Variants in SNX18 observed in about 807,000 individuals in gnomAD.
SNX18 encodes sorting nexin 18, also known as sorting nexin-18.
SNX18 carries 35 observed loss-of-function variants against 48.7 expected under a neutral mutation model. The ratio of observed to expected loss-of-function variants is 0.72; its 90% CI spans 0.55 to 0.95. The LOEUF (loss-of-function observed/expected upper bound fraction) is 0.95. Ranked by LOEUF, SNX18 falls within the 40% of genes least tolerant of loss-of-function variation. The pLI, the probability that SNX18 is intolerant of heterozygous loss-of-function variation, is 0.00. For missense variants in SNX18, 824 were observed against 871.0 expected (o/e 0.95, Z 0.68); for synonymous variants, 492 against 384.7 (o/e 1.28, Z -3.26).
chr5:54,625,426 T>A, the SNX18 span, among the ~76,000 whole-genome samples: 7 of 152,194 alleles, frequency 4.6e-5, no homozygotes, highest in Non-Finnish European at 8.8e-5. Context: ...AGCCCTTATG[T>A]CCTTGTTGGA....
chr5:54,630,829 CAAAAAAAA>C, the SNX18 span, among the ~76,000 whole-genome samples: 29 of 94,508 alleles, frequency 3.1e-4, no homozygotes, highest in African/African-American at 9.7e-4. Flanking sequence ...AAGACTCAGT[CAAAAAAAA>C]AAAAAAAAAA....
chr5:54,543,405 A>C lies in SNX18; in HGVS notation c.1848A>C (p.Glu616Asp), dbSNP rs1315330224. ...FFQKVTQKLE[E>D]ALHKYDSV ...AAAAAGTTACCCAGAAGTTGGAAGAAGCTCTTCACAAATATGATAGTGTTT... is the reference window on the plus strand; with the variant it reads ...AAAAAGTTACCCAGAAGTTGGAAGACGCTCTTCACAAATATGATAGTGTTT... The change falls in exon 2 of 2, where the codon GAA becomes GAC. Residue 616 changes from glutamate to aspartate, a missense_variant. This residue lies in a region of SNX18 where 443 missense variants were observed against 503.6 expected (regional missense o/e 0.88). Transcript: ENST00000381410. 1 of 1,614,070 alleles carries C rather than the reference A, an allele frequency of 6.2e-7. No homozygotes were observed. The highest frequency in any genetic ancestry group is 8.5e-7 in the Non-Finnish European group (1 of 1,180,032).
At chr5:54,609,882 A>T in the SNX18 span, among the ~76,000 whole-genome samples, 4 of 152,042 alleles carry the variant, frequency 2.6e-5, no homozygotes, top group African/African-American at 9.7e-5. Context: ...TAGATTTCAC[A>T]TGAATGGTTT....
At chr5:54,549,299 T>G (rs1004434148), downstream of SNX18, among the ~76,000 whole-genome samples, 31 of 152,180 alleles carry the variant, frequency 2.0e-4, no homozygotes, top group African/African-American at 7.5e-4. Context: ...ACCTGTACTA[T>G]GGAAAATTAA....
chr5:54,575,469 T>C, the SNX18 span, among the ~76,000 whole-genome samples: 1 of 149,892 alleles, frequency 6.7e-6, no homozygotes. Context: ...GCCTCCTGGT[T>C]CAAGCGATTC....
At chr5:54,647,941 T>C in the SNX18 span, among the ~76,000 whole-genome samples, 2 of 151,896 alleles carry the variant, frequency 1.3e-5, no homozygotes, top group African/African-American at 4.8e-5. Flanking sequence ...GTTTATTATT[T>C]AGGAACCCGA....
the SNX18 span, among the ~76,000 whole-genome samples, chr5:54,615,686 C>T: frequency 6.6e-6 from 1 of 152,186 alleles, no homozygotes; most frequent in Non-Finnish European, 1.5e-5. Context: ...TGTTTCTAGA[C>T]TCTACAAGAG....
At chr5:54,635,337 T>C in the SNX18 span, among the ~76,000 whole-genome samples, 1 of 151,950 alleles carries the variant, frequency 6.6e-6, no homozygotes, top group Non-Finnish European at 1.5e-5. Context: ...CCCTTTGCTG[T>C]GAAAAGGGAA....
the SNX18 span, among the ~76,000 whole-genome samples, chr5:54,568,264 G>A: frequency 6.6e-6 from 1 of 152,190 alleles, no homozygotes; most frequent in African/African-American, 2.4e-5. Flanking sequence ...TGTCTCTGAA[G>A]GAAAAGGATG....
At chr5:54,608,021 G>A in the SNX18 span, among the ~76,000 whole-genome samples, 2 of 152,136 alleles carry the variant, frequency 1.3e-5, no homozygotes, top group African/African-American at 4.8e-5. Flanking sequence ...TCCTTTCCCT[G>A]TGATTAAATG....
intron 1 of SNX18, among the ~76,000 whole-genome samples, chr5:54,531,730 A>G (rs1408717592): frequency 6.6e-6 from 1 of 152,168 alleles, no homozygotes; most frequent in East Asian, 1.9e-4. Context: ...CGGGAAAACC[A>G]CAGGAGTGAG....
intron 1 of SNX18, among the ~76,000 whole-genome samples, chr5:54,534,862 T>C (rs1236233897): frequency 6.6e-6 from 1 of 152,164 alleles, no homozygotes; most frequent in Non-Finnish European, 1.5e-5. Context: ...ATGGGCTACA[T>C]GACTCGAGAG....
the SNX18 span, among the ~76,000 whole-genome samples, chr5:54,552,394 G>C: frequency 6.6e-6 from 1 of 152,194 alleles, no homozygotes; most frequent in Non-Finnish European, 1.5e-5. Flanking sequence ...TTTGGATTCT[G>C]AAGCCCTTAA....
the SNX18 span, among the ~76,000 whole-genome samples, chr5:54,590,694 A>G: frequency 3.9e-5 from 6 of 152,170 alleles, no homozygotes; most frequent in Non-Finnish European, 5.9e-5. Flanking sequence ...GAAGGAAAAT[A>G]CATTTTTGAA....
chr5:54,588,986 A>G, the SNX18 span, among the ~76,000 whole-genome samples: 1 of 152,214 alleles, frequency 6.6e-6, no homozygotes, highest in African/African-American at 2.4e-5. Flanking sequence ...GACTGTTTAT[A>G]TAAGAGAAAA....
At chr5:54,528,304 G>A (rs914963410) in intron 1 of SNX18, among the ~76,000 whole-genome samples, 6 of 151,278 alleles carry the variant, frequency 4.0e-5, no homozygotes, top group Non-Finnish European at 8.8e-5. Flanking sequence ...CATGTGTAGA[G>A]CAGTAGGTAC....
At chr5:54,552,889 TTTG>T in the SNX18 span, among the ~76,000 whole-genome samples, 2 of 151,672 alleles carry the variant, frequency 1.3e-5, no homozygotes, top group Non-Finnish European at 2.9e-5. Context: ...GTGAGGAGAA[TTTG>T]TTATTTTAAT....
the SNX18 span, among the ~76,000 whole-genome samples, chr5:54,569,135 G>A: frequency 1.6e-4 from 24 of 151,678 alleles, 1 homozygote; most frequent in Admixed American, 1.3e-3. Flanking sequence ...GAGCCACCGC[G>A]CCCAACCACA....
At chr5:54,599,160 A>G in the SNX18 span, among the ~76,000 whole-genome samples, 24 of 152,338 alleles carry the variant, frequency 1.6e-4, no homozygotes, top group East Asian at 4.2e-3. Flanking sequence ...TATCTCTGTC[A>G]GGTTTTGGTA....
Sources: gnomAD v4.1 joint callset for allele counts (sites outside exome capture counted in the v4.1 genomes callset) on GRCh38, gnomAD v4.1.1 for gene constraint, gnomAD v4.1.1 regional missense constraint, MANE v1.5 for transcripts, NCBI Gene and HGNC (gene_info 2026-07-23, HGNC 2026-07-21) for gene names.